Variants in CADM2 observed in about 807,000 individuals in gnomAD.
CADM2 encodes the protein immunoglobulin superfamily member 4D.
Under a neutral mutation model 49.8 loss-of-function variants are expected in CADM2, and 12 were observed. The observed-to-expected ratio is 0.24, with a 90% CI of 0.15 to 0.39. The LOEUF (loss-of-function observed/expected upper bound fraction) is 0.39, where lower values mean the gene tolerates loss of function less well. Among genes scored for constraint, CADM2 ranks in the 10% least tolerant of loss-of-function variants. The pLI is 1.00. For synonymous variants in CADM2, 214 were observed against 175.4 expected (o/e 1.22, Z -1.74); for missense variants, 378 against 492.3 (o/e 0.77, Z 2.20).
chr3:85,880,616 A>G (rs1712610382), intron 3 of CADM2, among the ~76,000 whole-genome samples: 2 of 152,312 alleles, frequency 1.3e-5, no homozygotes, highest in Middle Eastern at 3.4e-3. Flanking sequence ...AAAATGCACC[A>G]CTTCCTCTGG....
At chr3:85,248,778 A>G (rs565424635) in intron 1 of CADM2, among the ~76,000 whole-genome samples, 2 of 152,302 alleles carry the variant, frequency 1.3e-5, no homozygotes, top group African/African-American at 4.8e-5. Context: ...AAGACTACTT[A>G]CAGTCTATAA....
intron 8 of CADM2, among the ~76,000 whole-genome samples, chr3:86,017,223 T>A (rs1467128811): frequency 1.3e-5 from 2 of 150,306 alleles, no homozygotes; most frequent in Non-Finnish European, 3.0e-5. Flanking sequence ...TGAGGCAATA[T>A]GTTACAATAA....
chr3:85,050,375 C>G lies in CADM2; in HGVS notation c.61+90707C>G, dbSNP rs142755589. Among the ~76,000 whole-genome samples, 64 of 152,188 alleles carry G rather than the reference C, an allele frequency of 4.2e-4. 2 individuals carry two copies. In the East Asian group the frequency reaches 0.012, roughly 29 times the overall value. On this transcript the variant is annotated intron_variant, in intron 1 of 9. Coordinates refer to ENST00000383699, the MANE Select transcript of CADM2 (RefSeq NM_001167675.2). ...ATACCATAAAATAATCAAAGTATAT[C>G]AATGAAAACTCCGGAAATATGTCAA... is the stretch of plus-strand genomic sequence containing the variant.
chr3:85,997,638 G>T (rs1729589447), intron 8 of CADM2, among the ~76,000 whole-genome samples: 1 of 152,102 alleles, frequency 6.6e-6, no homozygotes, highest in African/African-American at 2.4e-5. Context: ...ATTTCATTGG[G>T]ATACTTGTGC....
At chr3:85,103,446 G>A (rs1271593516) in intron 1 of CADM2, among the ~76,000 whole-genome samples, 1 of 151,972 alleles carries the variant, frequency 6.6e-6, no homozygotes, top group Admixed American at 6.6e-5. Context: ...TTATCATGAG[G>A]GAGCACAAGA....
chr3:85,398,700 A>G (rs1385003561), intron 1 of CADM2, among the ~76,000 whole-genome samples: 2 of 152,146 alleles, frequency 1.3e-5, no homozygotes, highest in South Asian at 4.1e-4. Context: ...TCGCCATTGT[A>G]ACTGGTGTGA....
intron 5 of CADM2, among the ~76,000 whole-genome samples, chr3:85,890,690 G>T (rs1011603580): frequency 7.6e-6 from 1 of 131,230 alleles, no homozygotes; most frequent in Non-Finnish European, 1.5e-5. Flanking sequence ...AAAAAAGAAA[G>T]ACTTTTTTTT....
chr3:84,973,739 C>G (rs2031625477), intron 1 of CADM2, among the ~76,000 whole-genome samples: 1 of 152,086 alleles, frequency 6.6e-6, no homozygotes, highest in Non-Finnish European at 1.5e-5. Context: ...TCAGGGAAAA[C>G]ATTTTTAAAG....
At chr3:85,079,936 T>A (rs1268612464) in intron 1 of CADM2, among the ~76,000 whole-genome samples, 1 of 151,894 alleles carries the variant, frequency 6.6e-6, no homozygotes, top group East Asian at 1.9e-4. Flanking sequence ...GGATGTACTA[T>A]CACATTTCCA....
chr3:85,550,630 CT>C (rs1353903177), intron 1 of CADM2, among the ~76,000 whole-genome samples: 1 of 152,098 alleles, frequency 6.6e-6, no homozygotes, highest in African/African-American at 2.4e-5. Context: ...TTTATATTTC[CT>C]AAATTTATAT....
intron 1 of CADM2, among the ~76,000 whole-genome samples, chr3:85,024,336 A>C (rs2107302618): frequency 6.6e-6 from 1 of 152,228 alleles, no homozygotes; most frequent in African/African-American, 2.4e-5. Context: ...AAGCTTAGGG[A>C]ATTTAAACTC....
intron 1 of CADM2, among the ~76,000 whole-genome samples, chr3:85,032,450 T>A (rs1232659442): frequency 2.0e-5 from 3 of 151,966 alleles, no homozygotes; most frequent in African/African-American, 7.2e-5. Flanking sequence ...TAAAGACACA[T>A]GCAGAATGTA....
chr3:85,821,583 A>G (rs2073570162), intron 3 of CADM2, among the ~76,000 whole-genome samples: 1 of 152,146 alleles, frequency 6.6e-6, no homozygotes, highest in Non-Finnish European at 1.5e-5. Flanking sequence ...ACAAGAAGTT[A>G]GGGTATACAC....
At chr3:84,984,930 C>CA (rs2032464600) in intron 1 of CADM2, among the ~76,000 whole-genome samples, 1 of 152,012 alleles carries the variant, frequency 6.6e-6, no homozygotes, top group Admixed American at 6.6e-5. Context: ...TATTTGGTAC[C>CA]CAGAGCTTTA....
rs1344029883 is a variant in CADM2 at position 86,069,323 on chromosome 3, T to C, written c.*2540T>C. 1 of 151,974 alleles carries C rather than the reference T, an allele frequency of 6.6e-6. No homozygotes were observed. Among genetic ancestry groups the C allele is most frequent in the African/African-American group, 2.4e-5 (1 of 41,422 alleles). The allele number at this position is 151,974 out of a possible 1,614,324, so 9.4% of individuals were successfully genotyped here. A position where few individuals can be genotyped will look rare whatever the true frequency, so the allele number is the denominator to read the frequency against. On this transcript the variant is annotated 3_prime_UTR_variant, in exon 10 of 10. Transcript: ENST00000383699. ...TCATTAGAACTCTTATAAAACCAGT[T>C]AGCTAAAACAACTAGATTATTATAC...
intron 8 of CADM2, among the ~76,000 whole-genome samples, chr3:85,964,717 C>T (rs556557860): frequency 2.4e-4 from 36 of 151,768 alleles, no homozygotes; most frequent in African/African-American, 7.5e-4. Flanking sequence ...GCTTAAGAAA[C>T]ATTTGCACTG....
chr3:85,592,675 G>T (rs11919099), intron 1 of CADM2, among the ~76,000 whole-genome samples: 77,867 of 151,626 alleles, frequency 0.51, 23,013 homozygotes, highest in East Asian at 0.85. Context: ...TTGAGAAACT[G>T]CCTCAATGAT....
At chr3:85,899,749 A>G (rs965336652) in intron 5 of CADM2, among the ~76,000 whole-genome samples, 2 of 152,164 alleles carry the variant, frequency 1.3e-5, no homozygotes, top group African/African-American at 2.4e-5. Context: ...AGTGCCCTCA[A>G]TTGTAAGGAT....
rs2107452160 is a variant in CADM2, at chr3:86,068,634, T to C, written c.*1851T>C. ...ATCTTTTAAGGAAAATGTTAGAATT[T>C]TAAAGTTTTTTTTTGATTGTTGAAG... On this transcript the variant is annotated 3_prime_UTR_variant, in exon 10 of 10. Transcript: ENST00000383699. 6.6e-6 allele frequency: 1 copy of C among 152,298 alleles called. No individual in the cohort carries two copies. The highest frequency in any genetic ancestry group is 2.1e-4 in the South Asian group (1 of 4,828). 9.4% of individuals were successfully genotyped at this position (152,298 alleles called of 1,614,324 possible).
Sources: gnomAD v4.1 joint callset for allele counts (sites outside exome capture counted in the v4.1 genomes callset) on GRCh38, gnomAD v4.1.1 for gene constraint, MANE v1.5 for transcripts, NCBI Gene and HGNC (gene_info 2026-07-23, HGNC 2026-07-21) for gene names.